Variants in TPO observed in about 807,000 individuals in gnomAD.
The protein encoded by TPO is thyroid peroxidase.
A neutral mutation model predicts 96.9 loss-of-function variants in TPO; 78 were observed. The observed-to-expected ratio is 0.81, with a 90% CI of 0.67 to 0.97. The LOEUF (loss-of-function observed/expected upper bound fraction) is 0.97. Among genes scored for constraint, TPO ranks in the 50% least tolerant of loss-of-function variants. The probability of loss-of-function intolerance (pLI) is 0.00; values close to 1 mark genes in which losing one functional copy is unlikely to be tolerated. For synonymous variants in TPO, 547 were observed against 538.0 expected, an observed-to-expected ratio of 1.02 and a Z score of -0.23; for missense variants, 1,252 against 1,274.8, an observed-to-expected ratio of 0.98 and a Z score of 0.27.
Position 1,496,650 on chromosome 2 carries a change from G to A in TPO, c.2271G>A (p.Glu757=), listed in dbSNP as rs1240867637. 2.5e-6 allele frequency: 4 copies of A among 1,613,920 alleles called. No homozygotes were observed. Among genetic ancestry groups the A allele is most frequent in the Non-Finnish European group, 3.4e-6 (4 of 1,180,026 alleles). Reference sequence around the variant, plus strand: ...AGAATGGGGACTTTGTGCACTGTGAGGAGTCTGGGAGGCGCGTGCTGGTGT... The same window carrying A: ...AGAATGGGGACTTTGTGCACTGTGAAGAGTCTGGGAGGCGCGTGCTGGTGT... The part of the protein sequence containing the change: ...SVENGDFVHC[E]ESGRRVLVYS... Residue 757 remains glutamate (E), a synonymous_variant, in exon 13 of 17, where the codon GAG becomes GAA. Transcript: ENST00000329066.
chr2:1,384,149 G>A (rs142536577), intron 1 of TPO, among the ~76,000 whole-genome samples: 4 of 152,292 alleles, frequency 2.6e-5, no homozygotes, highest in Admixed American at 1.3e-4. Flanking sequence ...GTCAGGTAGC[G>A]TGATGCCTCC....
chr2:1,534,120 C>G (rs1286290964), intron 15 of TPO, among the ~76,000 whole-genome samples: 1 of 75,616 alleles, frequency 1.3e-5, no homozygotes, highest in Admixed American at 1.8e-4. Flanking sequence ...CTCTGTGCAA[C>G]CTCCCCAAAT....
At chr2:1,537,820 TGTGAGCAACCTCCTCAAATC>T (rs1251531332) in intron 15 of TPO, among the ~76,000 whole-genome samples, 1 of 39,720 alleles carries the variant, frequency 2.5e-5, no homozygotes, top group Non-Finnish European at 4.8e-5. Context: ...ATCCCCCCAC[TGTGAGCAACCTCCTCAAATC>T]CCCCCACTGT....
At chr2:1,403,002 G>T (rs114902372) in intron 1 of TPO, among the ~76,000 whole-genome samples, 1 of 152,172 alleles carries the variant, frequency 6.6e-6, no homozygotes, top group Non-Finnish European at 1.5e-5. Context: ...TTAGTCACTC[G>T]CAATATGGGA....
chr2:1,506,111 T>C (rs1176674288), intron 14 of TPO, among the ~76,000 whole-genome samples: 3 of 151,944 alleles, frequency 2.0e-5, no homozygotes, highest in Admixed American at 1.3e-4. Flanking sequence ...TGTTCAATTC[T>C]CACCTATGAG....
At chr2:1,515,834 T>G (rs1674643576) in intron 14 of TPO, among the ~76,000 whole-genome samples, 1 of 152,086 alleles carries the variant, frequency 6.6e-6, no homozygotes, top group Admixed American at 6.5e-5. Flanking sequence ...TGTGCTCTCT[T>G]AGCCCCAGAG....
chr2:1,411,041 C>G (rs568736510), upstream of TPO, among the ~76,000 whole-genome samples: 55 of 152,102 alleles, frequency 3.6e-4, no homozygotes, highest in African/African-American at 1.3e-3. Flanking sequence ...GGGTTTTCCA[C>G]GTCCCCCTGC....
intron 3 of TPO, among the ~76,000 whole-genome samples, chr2:1,430,754 A>G (rs1664897799): frequency 6.6e-6 from 1 of 152,238 alleles, no homozygotes; most frequent in South Asian, 2.1e-4. Context: ...TCAGAGCTTT[A>G]AGATTTAATG....
intron 2 of TPO, among the ~76,000 whole-genome samples, chr2:1,422,770 C>T (rs1308166448): frequency 6.6e-6 from 1 of 152,142 alleles, no homozygotes; most frequent in African/African-American, 2.4e-5. Context: ...AAAAGTTATT[C>T]GGAATCATTT....
intron 1 of TPO, among the ~76,000 whole-genome samples, chr2:1,389,955 C>T (rs928817973): frequency 7.9e-5 from 12 of 151,906 alleles, no homozygotes; most frequent in South Asian, 2.1e-4. Context: ...CCAGGGACCA[C>T]GCCTGGTTTT....
At chr2:1,480,559 T>TACACACACACACACAC (rs3036105) in intron 8 of TPO, among the ~76,000 whole-genome samples, 1,364 of 44,320 alleles carry the variant, frequency 0.031, 110 homozygotes, top group Middle Eastern at 0.041. Flanking sequence ...TCAAACCCCC[T>TACACACACACACACAC]ACACACACAC....
chr2:1,518,033 G>A (rs1439957366), intron 15 of TPO, among the ~76,000 whole-genome samples: 3 of 151,208 alleles, frequency 2.0e-5, no homozygotes, highest in Non-Finnish European at 2.9e-5. Flanking sequence ...CCTCCACCCC[G>A]GCCTTCAGAG....
rs539237791 is a variant in TPO, at chr2:1,380,954, G to T, written n.180+6552G>T. ...GGGGGCAGGAGCAAGAGAAAACAAA[G>T]TGAGAGGAGGTGCCATAGACTATAT... is the stretch of plus-strand genomic sequence containing the variant. On this transcript the variant is annotated intron_variant and non_coding_transcript_variant, in intron 1 of 5. Coordinates refer to the TPO transcript ENST00000497517. 4.9e-3 allele frequency among the ~76,000 whole-genome samples: 752 copies of T among 152,266 alleles called. 5 individuals carry two copies. The highest frequency in any genetic ancestry group is 0.017 in the African/African-American group (687 of 41,542).
chr2:1,422,334 T>G (rs879922027), intron 2 of TPO, among the ~76,000 whole-genome samples: 2,416 of 63,030 alleles, frequency 0.038, 63 homozygotes, highest in Admixed American at 0.059. Flanking sequence ...TGCAGGCGCC[T>G]CTCCTGGACC....
chr2:1,403,391 T>C (rs749140826), intron 1 of TPO, among the ~76,000 whole-genome samples: 2 of 152,158 alleles, frequency 1.3e-5, no homozygotes, highest in Non-Finnish European at 2.9e-5. Context: ...TGAGATAGAA[T>C]GAAATTAAAG....
At chr2:1,425,989 C>G (rs1234300535) in intron 3 of TPO, among the ~76,000 whole-genome samples, 4 of 147,114 alleles carry the variant, frequency 2.7e-5, no homozygotes, top group Non-Finnish European at 5.9e-5. Context: ...AGTCATTGTT[C>G]TAGATGCCAG....
At chr2:1,407,651 CA>C (rs1458341730) in intron 1 of TPO, among the ~76,000 whole-genome samples, 43 of 152,186 alleles carry the variant, frequency 2.8e-4, no homozygotes, top group Non-Finnish European at 2.2e-4. Context: ...GTATTCTTAA[CA>C]CACAATATAA....
At chr2:1,525,304 C>T (rs1309489353) in intron 15 of TPO, among the ~76,000 whole-genome samples, 1 of 58,218 alleles carries the variant, frequency 1.7e-5, no homozygotes, top group Admixed American at 2.0e-4. Flanking sequence ...CTCCTCAAAT[C>T]CCCCCCACTG....
At chr2:1,479,555 A>G (rs1670337081) in intron 8 of TPO, among the ~76,000 whole-genome samples, 1 of 152,184 alleles carries the variant, frequency 6.6e-6, no homozygotes, top group African/African-American at 2.4e-5. Flanking sequence ...AGAGCGGGAA[A>G]CGCCCAATTG....
Sources: gnomAD v4.1 joint callset for allele counts (sites outside exome capture counted in the v4.1 genomes callset) on GRCh38, gnomAD v4.1.1 for gene constraint, MANE v1.5 for transcripts, NCBI Gene and HGNC (gene_info 2026-07-23, HGNC 2026-07-21) for gene names.